The following DOCK2 variants were observed in gnomAD, a reference collection of about 807,000 sequenced individuals.
The protein encoded by DOCK2 is dedicator of cytokinesis protein 2.
In DOCK2, 87 loss-of-function variants were observed where a neutral mutation model predicts 248.9. The observed-to-expected ratio is 0.35, with a 90% CI of 0.29 to 0.42. DOCK2 has a LOEUF of 0.42. Ranked by LOEUF, DOCK2 falls within the 10% of genes least tolerant of loss-of-function variation. The probability of loss-of-function intolerance (pLI) is 1.00; values close to 1 mark genes in which losing one functional copy is unlikely to be tolerated. For missense variants in DOCK2, 1,747 were observed against 2,300.2 expected (o/e 0.76, Z 4.92); for synonymous variants, 805 against 821.6 (o/e 0.98, Z 0.35).
chr5:169,813,923 A>G (rs1418699291), intron 26 of DOCK2, among the ~76,000 whole-genome samples: 2 of 152,228 alleles, frequency 1.3e-5, no homozygotes, highest in African/African-American at 2.4e-5. Flanking sequence ...TCACTGTGAC[A>G]GGGAGATTGT....
chr5:169,731,215 T>C (rs1762751356), intron 22 of DOCK2, among the ~76,000 whole-genome samples: 1 of 152,196 alleles, frequency 6.6e-6, no homozygotes, highest in Admixed American at 6.5e-5. Context: ...AAGACCCTGA[T>C]ATGGTTTGGC....
intron 27 of DOCK2, among the ~76,000 whole-genome samples, chr5:169,945,107 G>A (rs890332780): frequency 6.6e-6 from 1 of 152,170 alleles, no homozygotes; most frequent in African/African-American, 2.4e-5. Flanking sequence ...AACCGACTGT[G>A]GTTTCATTTT....
intron 2 of DOCK2, among the ~76,000 whole-genome samples, chr5:169,658,645 G>T (rs907924776): frequency 1.3e-5 from 2 of 151,824 alleles, no homozygotes; most frequent in African/African-American, 4.8e-5. Context: ...GTGTTTTTCT[G>T]TGTAATGGGA....
intron 33 of DOCK2, among the ~76,000 whole-genome samples, chr5:170,021,918 C>T (rs892336985): frequency 6.6e-6 from 1 of 152,094 alleles, no homozygotes; most frequent in Admixed American, 6.5e-5. Flanking sequence ...TCCAGGAGGG[C>T]TGGTGTGCAA....
chr5:169,926,885 T>C (rs1016013173), intron 27 of DOCK2, among the ~76,000 whole-genome samples: 1 of 152,078 alleles, frequency 6.6e-6, no homozygotes, highest in Non-Finnish European at 1.5e-5. Context: ...GACCAGTACA[T>C]GAAAAATAAT....
At chr5:169,842,306 C>A (rs1188374061) in intron 27 of DOCK2, among the ~76,000 whole-genome samples, 1 of 152,078 alleles carries the variant, frequency 6.6e-6, no homozygotes, top group African/African-American at 2.4e-5. Context: ...TGGTCTTTGT[C>A]ATTTGTCTTA....
chr5:169,904,423 G>A (rs934873053), intron 27 of DOCK2, among the ~76,000 whole-genome samples: 6 of 152,154 alleles, frequency 3.9e-5, no homozygotes, highest in African/African-American at 1.4e-4. Context: ...CTACCAGTGT[G>A]TTCAAACACC....
Position 169,997,424 on chromosome 5 carries a change from A to T in DOCK2, c.3072+1260A>T, listed in dbSNP as rs1581515102. Among the ~76,000 whole-genome samples, 3 of 147,824 alleles carry T rather than the reference A, an allele frequency of 2.0e-5. No individual in the cohort carries two copies. In the East Asian group the frequency reaches 5.9e-4, roughly 29 times the overall value. On this transcript the variant is annotated intron_variant, in intron 30 of 51. Coordinates refer to ENST00000520908, the MANE Select transcript of DOCK2 (RefSeq NM_004946.3). ...TAATCCTCCTCAGCACAGACCCTTT[A>T]TGGGTGTCGGGCTGGGGGACGGTCA...
intron 9 of DOCK2, among the ~76,000 whole-genome samples, chr5:169,689,840 G>T (rs1760192233): frequency 6.6e-6 from 1 of 152,180 alleles, no homozygotes. Flanking sequence ...GGGTCCTTAG[G>T]ATCATCCTTC....
chr5:169,870,123 C>T (rs962121798), intron 27 of DOCK2, among the ~76,000 whole-genome samples: 9 of 152,252 alleles, frequency 5.9e-5, no homozygotes, highest in Middle Eastern at 3.4e-3. Context: ...CAGTTAACTG[C>T]CTGAGGTGCC....
At chr5:169,812,249 G>A (rs563038649) in intron 26 of DOCK2, among the ~76,000 whole-genome samples, 3 of 152,286 alleles carry the variant, frequency 2.0e-5, no homozygotes, top group South Asian at 4.1e-4. Context: ...TCATAGGAAC[G>A]CGAACCCTAT....
intron 26 of DOCK2, among the ~76,000 whole-genome samples, chr5:169,805,906 C>T (rs1170532729): frequency 1.3e-5 from 2 of 152,170 alleles, no homozygotes; most frequent in Non-Finnish European, 2.9e-5. Context: ...ACTGTGGGGA[C>T]TAACCCACCC....
At chr5:169,830,748 T>G (rs966824820) in intron 26 of DOCK2, among the ~76,000 whole-genome samples, 3 of 152,238 alleles carry the variant, frequency 2.0e-5, no homozygotes, top group Non-Finnish European at 4.4e-5. Flanking sequence ...GGTTTCATAG[T>G]TGTGCCTTTT....
At chr5:169,966,667 C>T (rs780196856) in intron 27 of DOCK2, among the ~76,000 whole-genome samples, 3 of 152,150 alleles carry the variant, frequency 2.0e-5, no homozygotes, top group Non-Finnish European at 4.4e-5. Flanking sequence ...AATCCTGGCA[C>T]ACAGGGACAG....
intron 27 of DOCK2, among the ~76,000 whole-genome samples, chr5:169,933,751 G>C (rs1442388543): frequency 6.6e-6 from 1 of 152,094 alleles, no homozygotes; most frequent in African/African-American, 2.4e-5. Flanking sequence ...AGACTTCCAG[G>C]CAGCTGCCAA....
intron 13 of DOCK2, among the ~76,000 whole-genome samples, chr5:169,700,357 C>A (rs900012578): frequency 7.2e-5 from 11 of 151,994 alleles, no homozygotes; most frequent in African/African-American, 2.7e-4. Flanking sequence ...CATACCCCTT[C>A]TCCCCACAAA....
At chr5:170,074,522 C>T (rs1363785343) in intron 46 of DOCK2, among the ~76,000 whole-genome samples, 3 of 152,214 alleles carry the variant, frequency 2.0e-5, no homozygotes, top group African/African-American at 7.2e-5. Context: ...GGACCATTCA[C>T]ATTCTCCAGA....
chr5:169,896,103 G>A (rs1425288713), intron 27 of DOCK2, among the ~76,000 whole-genome samples: 1 of 152,130 alleles, frequency 6.6e-6, no homozygotes, highest in Non-Finnish European at 1.5e-5. Flanking sequence ...GCTGCACTGG[G>A]GCACAGGGAT....
chr5:169,916,753 G>A (rs1406107565), intron 27 of DOCK2, among the ~76,000 whole-genome samples: 1 of 152,038 alleles, frequency 6.6e-6, no homozygotes, highest in Non-Finnish European at 1.5e-5. Context: ...ACAAGAATTT[G>A]GCATATATAA....
Sources: gnomAD v4.1 joint callset for allele counts (sites outside exome capture counted in the v4.1 genomes callset) on GRCh38, gnomAD v4.1.1 for gene constraint, MANE v1.5 for transcripts, NCBI Gene and HGNC (gene_info 2026-07-23, HGNC 2026-07-21) for gene names.